The following COL22A1 variants were observed in gnomAD, a reference collection of about 807,000 sequenced individuals.
COL22A1 encodes the protein collagen type XXII alpha 1 chain.
In COL22A1, 221 loss-of-function variants were observed where a neutral mutation model predicts 248.9. That is an observed-to-expected ratio of 0.89 (90% CI 0.80 to 0.99). The LOEUF is 0.99. COL22A1 is among the 50% of genes least tolerant of loss of function. COL22A1 has a pLI of 0.00. For synonymous variants in COL22A1, 891 were observed against 793.4 expected, an observed-to-expected ratio of 1.12 and a Z score of -2.07; for missense variants, 2,240 against 2,179.0, an observed-to-expected ratio of 1.03 and a Z score of -0.56.
At chr8:138,628,826 C>T (rs1021749894) in intron 50 of COL22A1, among the ~76,000 whole-genome samples, 13 of 140,760 alleles carry the variant, frequency 9.2e-5, no homozygotes, top group Admixed American at 5.2e-4. Context: ...AGTGCGGTGG[C>T]GCAATCTCGG....
At chr8:138,791,786 G>A (rs1816069845) in intron 12 of COL22A1, among the ~76,000 whole-genome samples, 1 of 152,132 alleles carries the variant, frequency 6.6e-6, no homozygotes, top group African/African-American at 2.4e-5. Flanking sequence ...GGTTTATGGT[G>A]CCAGTAAAAT....
chr8:138,828,584 G>T (rs1036744086), intron 5 of COL22A1, among the ~76,000 whole-genome samples: 3 of 152,054 alleles, frequency 2.0e-5, no homozygotes, highest in Admixed American at 6.5e-5. Flanking sequence ...TCTTTTGAGA[G>T]CTTAACACAA....
chr8:138,820,037 T>C (rs1818977189), intron 7 of COL22A1, among the ~76,000 whole-genome samples: 1 of 151,836 alleles, frequency 6.6e-6, no homozygotes, highest in Non-Finnish European at 1.5e-5. Context: ...TAAATACCAC[T>C]AACAGGAGAA....
At chr8:138,631,039 C>T (rs563947610) in intron 49 of COL22A1, among the ~76,000 whole-genome samples, 2 of 152,324 alleles carry the variant, frequency 1.3e-5, no homozygotes, top group East Asian at 1.9e-4. Context: ...CACCTTTACT[C>T]TCTTGCTTCT....
chr8:138,684,329 G>A (rs1274764382), intron 39 of COL22A1, 96 bp downstream of exon 39: 4 of 818,038 alleles, frequency 4.9e-6, no homozygotes, highest in Admixed American at 3.4e-5. Context: ...CATGGAAGTG[G>A]ACTGAGGTAA....
chr8:138,588,674 G>A lies in COL22A1; in HGVS notation c.*579C>T, dbSNP rs1816796030. 1 of 152,256 alleles carries A rather than the reference G, an allele frequency of 6.6e-6. No homozygotes were observed. The highest frequency in any genetic ancestry group is 1.5e-5 in the Non-Finnish European group (1 of 68,088). The allele number at this position is 152,256 out of a possible 1,614,324, so 9.4% of individuals were successfully genotyped here. On this transcript the variant is annotated 3_prime_UTR_variant, in exon 65 of 65. Coordinates refer to ENST00000303045, the MANE Select transcript of COL22A1 (RefSeq NM_152888.3). ...TGTTTTCCAAATGCACGTCCCGTCG[G>A]GAGGTGGGAACATTCCTCATGGTTG... is the stretch of plus-strand genomic sequence containing the variant.
Position 138,649,704 on chromosome 8 carries a change from GA to G in COL22A1, c.3407del (p.Val1136AlafsTer28). On this transcript the variant is annotated frameshift_variant, in exon 46 of 65. Coordinates refer to ENST00000303045, the MANE Select transcript of COL22A1 (RefSeq NM_152888.3). LOFTEE classifies it high-confidence loss of function. ...GLPGFKGDKG[V>X]PGKPGREGTE... is the part of the protein sequence containing the mutation. ...TGCCTTCTCTCCCTGGCTTTCCTGG[GA>G]CACCTTTGTCCCCTTTAAAACCTGG... 1 of 1,613,476 alleles carries G rather than the reference GA, an allele frequency of 6.2e-7. No homozygotes were observed. The highest frequency in any genetic ancestry group is 8.5e-7 in the Non-Finnish European group (1 of 1,179,750).
rs543295804 is a variant in COL22A1, at chr8:138,845,840, A to G, written c.659-1682T>C. 2.6e-5 allele frequency among the ~76,000 whole-genome samples: 4 copies of G among 152,258 alleles called. No homozygotes were observed. The East Asian group carries it at 5.8e-4, about 22-fold the overall frequency. On this transcript the variant is annotated intron_variant, in intron 3 of 64. Transcript: ENST00000303045. Reference sequence around the variant, plus strand: ...TTCTCATAAATTTAGCACCCAAAGCACCTCACTTATCTCCCTGAAGACCCA... The same window carrying G: ...TTCTCATAAATTTAGCACCCAAAGCGCCTCACTTATCTCCCTGAAGACCCA...
intron 12 of COL22A1, among the ~76,000 whole-genome samples, chr8:138,781,585 A>C (rs1423163299): frequency 6.6e-6 from 1 of 152,188 alleles, no homozygotes; most frequent in African/African-American, 2.4e-5. Context: ...TCTCATGCAG[A>C]CACACATGAC....
intron 4 of COL22A1, among the ~76,000 whole-genome samples, chr8:138,834,341 G>GAGAAAGAA (rs1820274776): frequency 7.4e-6 from 1 of 135,254 alleles, no homozygotes; most frequent in Non-Finnish European, 1.6e-5. Flanking sequence ...TGAAAAAAGA[G>GAGAAAGAA]AAAAAGAAAA....
At chr8:138,876,392 G>A (rs866223384) in intron 3 of COL22A1, among the ~76,000 whole-genome samples, 52 of 152,208 alleles carry the variant, frequency 3.4e-4, no homozygotes, top group Middle Eastern at 3.4e-3. Flanking sequence ...TTACCTGCCC[G>A]GTATCACATT....
intron 30 of COL22A1, among the ~76,000 whole-genome samples, chr8:138,712,560 T>G (rs1167946846): frequency 6.6e-6 from 1 of 152,216 alleles, no homozygotes; most frequent in Non-Finnish European, 1.5e-5. Flanking sequence ...GAGTACGTGT[T>G]CTATCAGCAG....
At chr8:138,809,701 G>T (rs1020893082) in intron 9 of COL22A1, among the ~76,000 whole-genome samples, 5 of 151,762 alleles carry the variant, frequency 3.3e-5, no homozygotes, top group Admixed American at 1.3e-4. Context: ...TTGTATTTTA[G>T]TAGAGACAGG....
chr8:138,664,209 G>GCACACACACACA (rs1173353118), intron 41 of COL22A1, among the ~76,000 whole-genome samples: 3 of 103,158 alleles, frequency 2.9e-5, no homozygotes, highest in South Asian at 4.3e-4. Flanking sequence ...GCGCGCGCGC[G>GCACACACACACA]CACACACACA....
At chr8:138,781,878 T>C (rs1190838309) in intron 12 of COL22A1, among the ~76,000 whole-genome samples, 1 of 152,234 alleles carries the variant, frequency 6.6e-6, no homozygotes, top group Non-Finnish European at 1.5e-5. Context: ...GTGCGGGTGC[T>C]GGGTATTCAA....
intron 52 of COL22A1, among the ~76,000 whole-genome samples, chr8:138,621,728 GC>G (rs1276732090): frequency 3.3e-5 from 5 of 152,170 alleles, no homozygotes; most frequent in African/African-American, 1.2e-4. Flanking sequence ...GGTACCCACA[GC>G]CCATAAGGTT....
intron 31 of COL22A1, among the ~76,000 whole-genome samples, chr8:138,701,037 C>T (rs1423797920): frequency 1.3e-5 from 2 of 150,952 alleles, no homozygotes; most frequent in Non-Finnish European, 2.9e-5. Context: ...ATGCTTTCTC[C>T]AGCTTCAAAG....
rs1371757844 is a variant in COL22A1, at chr8:138,852,696, C to T, written c.659-8538G>A. Among the ~76,000 whole-genome samples the T allele has an allele frequency of 2.0e-5, 3 of 152,020 alleles. No homozygotes were observed. In the Middle Eastern group the frequency reaches 0.01, roughly 517 times the overall value. On this transcript the variant is annotated intron_variant, in intron 3 of 64. Transcript: ENST00000303045. ...CCTCACAGCCTCCAATCTTGAAATG[C>T]GGGGGATGAGGAGTGGCCGGCAAAG...
At chr8:138,801,304 C>T (rs754159406) in intron 11 of COL22A1, among the ~76,000 whole-genome samples, 3 of 152,134 alleles carry the variant, frequency 2.0e-5, no homozygotes, top group Non-Finnish European at 2.9e-5. Flanking sequence ...CCATTAGAGA[C>T]GTGATGAGAC....
Sources: gnomAD v4.1 joint callset for allele counts (sites outside exome capture counted in the v4.1 genomes callset) on GRCh38, gnomAD v4.1.1 for gene constraint, MANE v1.5 for transcripts, NCBI Gene and HGNC (gene_info 2026-07-23, HGNC 2026-07-21) for gene names.